RGS22: variants seen among roughly 807,000 people sequenced by gnomAD.
The protein encoded by RGS22 is regulator of G-protein signaling 22.
Under a neutral mutation model 172.9 loss-of-function variants are expected in RGS22, and 148 were observed. The ratio of observed to expected loss-of-function variants is 0.86; its 90% CI spans 0.75 to 0.98. The LOEUF (loss-of-function observed/expected upper bound fraction) is 0.98, where lower values mean the gene tolerates loss of function less well. Ranked by LOEUF, RGS22 falls within the 50% of genes least tolerant of loss-of-function variation. The probability of loss-of-function intolerance (pLI) is 0.00; values close to 1 mark genes in which losing one functional copy is unlikely to be tolerated. For missense variants in RGS22, 1,347 were observed against 1,440.8 expected (o/e 0.93, Z 1.05); for synonymous variants, 458 against 480.2 (o/e 0.95, Z 0.60).
chr8:100,079,131 T>G (rs1289133463), intron 4 of RGS22, among the ~76,000 whole-genome samples: 2 of 152,198 alleles, frequency 1.3e-5, no homozygotes, highest in African/African-American at 4.8e-5. Flanking sequence ...TATAAAGACC[T>G]CCATACAATC....
At chr8:100,069,576 C>T (rs1810793851) in intron 6 of RGS22, among the ~76,000 whole-genome samples, 1 of 152,148 alleles carries the variant, frequency 6.6e-6, no homozygotes, top group South Asian at 2.1e-4. Flanking sequence ...AACAATAACA[C>T]ATTTTACTAC....
chr8:100,092,213 A>G (rs766528134), intron 3 of RGS22, among the ~76,000 whole-genome samples: 1 of 152,124 alleles, frequency 6.6e-6, no homozygotes, highest in Non-Finnish European at 1.5e-5. Flanking sequence ...TTATGTTTCA[A>G]ATTTTCCCTG....
intron 6 of RGS22, among the ~76,000 whole-genome samples, 199 bp from the exon 7 acceptor site, chr8:100,066,495 T>C (rs564192910): frequency 1.9e-4 from 29 of 152,280 alleles, no homozygotes; most frequent in Non-Finnish European, 2.6e-4. Flanking sequence ...AATCCAGATT[T>C]TTTTTTCATA....
At chr8:99,977,875 CT>C in intron 23 of RGS22, 41 bp downstream of exon 23, 1 of 1,501,424 alleles carries the variant, frequency 6.7e-7, no homozygotes, top group South Asian at 1.3e-5. Flanking sequence ...TATCACATAA[CT>C]TTTAAAAGTC....
intron 14 of RGS22, among the ~76,000 whole-genome samples, chr8:100,023,794 G>A (rs141253009): frequency 9.6e-4 from 146 of 152,182 alleles, no homozygotes; most frequent in African/African-American, 3.3e-3. Context: ...GGCCTGTGAA[G>A]CCTTTTTGTC....
chr8:99,978,169 A>G (rs761403617), intron 22 of RGS22, 94 bp from the exon 23 acceptor site: 143 of 665,276 alleles, frequency 2.1e-4, no homozygotes, highest in Non-Finnish European at 2.9e-4. Context: ...TATATCTTTA[A>G]TATATACCAT....
chr8:100,051,388 T>C (rs976755316), intron 10 of RGS22, among the ~76,000 whole-genome samples: 2 of 133,908 alleles, frequency 1.5e-5, no homozygotes, highest in African/African-American at 5.6e-5. Flanking sequence ...TGATTTTATA[T>C]ATATTTTTAT....
chr8:100,088,469 C>T (rs751399124), intron 3 of RGS22, among the ~76,000 whole-genome samples: 15 of 152,074 alleles, frequency 9.9e-5, no homozygotes, highest in East Asian at 3.9e-4. Flanking sequence ...CACTATAGCA[C>T]GGAAGAAAAC....
chr8:100,060,415 TATATATACAC>T (rs1563684389), intron 9 of RGS22, among the ~76,000 whole-genome samples: 1 of 136,190 alleles, frequency 7.3e-6, no homozygotes, highest in Admixed American at 7.6e-5. Context: ...TATATATATA[TATATATACAC>T]ACACACACAC....
At position 100,105,399 on chromosome 8, in the gene RGS22, G is replaced by T. The variant is rs779292644; in HGVS notation, c.29C>A (p.Pro10Gln). The T allele has an allele frequency of 1.1e-5, 18 of 1,608,860 alleles. No individual in the cohort carries two copies. Among genetic ancestry groups the T allele is most frequent in the Non-Finnish European group, 1.4e-5 (16 of 1,175,832 alleles). Residue 10 changes from proline (P) to glutamine (Q), a missense_variant, in exon 2 of 28, where the codon CCA becomes CAA. Pro to Gln is a moderately conservative substitution (Grantham distance 76, BLOSUM62 -1). Transcript: ENST00000360863. MPEKRLTAEPPTITEEEFED... is the reference protein window; with the variant it reads MPEKRLTAEQPTITEEEFED... ...AAATTCTTCTTCTGTAATAGTTGGTGGCTCTGAAACAAGACAAAATATTAC... is the reference window on the plus strand; with the variant it reads ...AAATTCTTCTTCTGTAATAGTTGGTTGCTCTGAAACAAGACAAAATATTAC...
intron 2 of RGS22, among the ~76,000 whole-genome samples, chr8:100,099,463 A>G (rs189133032): frequency 2.8e-4 from 43 of 152,324 alleles, no homozygotes; most frequent in Non-Finnish European, 4.3e-4. Context: ...TTTTAATTCA[A>G]ACCTCACACT....
At chr8:100,103,352 A>C (rs1813653675) in intron 2 of RGS22, among the ~76,000 whole-genome samples, 1 of 152,204 alleles carries the variant, frequency 6.6e-6, no homozygotes. Flanking sequence ...GTGTGGATGG[A>C]GAAAAAGATC....
chr8:99,999,049 C>T (rs972666905), intron 19 of RGS22, among the ~76,000 whole-genome samples: 2 of 151,424 alleles, frequency 1.3e-5, no homozygotes, highest in Non-Finnish European at 2.9e-5. Context: ...GTCTCAGTTA[C>T]TTGGGAGGCT....
In RGS22 at chr8:100,105,523, C is replaced by T. The variant is rs531818390; in HGVS notation, c.26-121G>A. 84 of 817,372 alleles carry T rather than the reference C, an allele frequency of 1.0e-4. No individual in the cohort carries two copies. The African/African-American group carries it at 1.4e-3, about 13-fold the overall frequency. The allele number at this position is 817,372 out of a possible 1,614,324, so 50.6% of individuals were successfully genotyped here. A position where few individuals can be genotyped will look rare whatever the true frequency, so the allele number is the denominator to read the frequency against. On this transcript the variant is annotated intron_variant, in intron 1 of 27. Transcript: ENST00000360863. The stretch of plus-strand genomic sequence containing the variant: ...ACAGGCAAACGTAGCACATTTCTGG[C>T]CCTCTGTTCATTCTCTGTACATGGC...
Position 99,989,878 on chromosome 8 carries a change from A to AGATG in RGS22, c.3019-2260_3019-2259insCATC, listed in dbSNP as rs1259393556. Among the ~76,000 whole-genome samples the AGATG allele has an allele frequency of 5.5e-4, 82 of 147,796 alleles. 1 individual carries two copies. The East Asian group carries it at 0.012, about 21-fold the overall frequency. On this transcript the variant is annotated intron_variant, in intron 20 of 27. Coordinates refer to ENST00000360863, the MANE Select transcript of RGS22 (RefSeq NM_015668.5). The stretch of plus-strand genomic sequence containing the variant: ...TAGACAGACAGATAGATAGATAGAT[A>AGATG]GATAGATAGATAGATAGATAGATAG...
At chr8:99,997,691 C>T (rs1417131824) in intron 19 of RGS22, among the ~76,000 whole-genome samples, 1 of 152,150 alleles carries the variant, frequency 6.6e-6, no homozygotes, top group Non-Finnish European at 1.5e-5. Flanking sequence ...TTTCTGACCC[C>T]TGTGTTATTT....
intron 2 of RGS22, among the ~76,000 whole-genome samples, chr8:100,098,823 C>T (rs1026765116): frequency 6.9e-6 from 1 of 145,138 alleles, no homozygotes; most frequent in Non-Finnish European, 1.5e-5. Context: ...CTCCCCTGCC[C>T]CTGACCCCCT....
In RGS22 at chr8:100,027,029, A is replaced by C. The variant is rs185740028; in HGVS notation, c.2166+11902T>G. On this transcript the variant is annotated intron_variant, in intron 14 of 27. Coordinates refer to ENST00000360863, the MANE Select transcript of RGS22 (RefSeq NM_015668.5). ...AGGATTGCTTGAGTACAAGAGTTCA[A>C]GACAAGCCTGGGCAACATGTGAGAC... 1.1e-4 allele frequency among the ~76,000 whole-genome samples: 17 copies of C among 152,296 alleles called. No individual in the cohort carries two copies. The East Asian group carries it at 3.3e-3, about 29-fold the overall frequency.
chr8:100,051,626 AATATATATTTATATATGTTTAT>A (rs1563670001), intron 10 of RGS22, among the ~76,000 whole-genome samples: 7 of 11,514 alleles, frequency 6.1e-4, no homozygotes, highest in African/African-American at 1.8e-3. Context: ...TACATATATA[AATATATATTTATATATGTTTAT>A]ACATATATAA....
Sources: gnomAD v4.1 joint callset for allele counts (sites outside exome capture counted in the v4.1 genomes callset) on GRCh38, gnomAD v4.1.1 for gene constraint, MANE v1.5 for transcripts, NCBI Gene and HGNC (gene_info 2026-07-23, HGNC 2026-07-21) for gene names.